USP49: variants seen among roughly 807,000 people sequenced by gnomAD.
USP49 encodes the protein ubiquitin specific peptidase 49, also known as ubiquitin carboxyl-terminal hydrolase 49.
In USP49, 24 loss-of-function variants were observed where a neutral mutation model predicts 58.6. That is an observed-to-expected ratio of 0.41 (90% confidence interval 0.30 to 0.58). The LOEUF (loss-of-function observed/expected upper bound fraction) is 0.58. USP49 is among the 20% of genes least tolerant of loss of function. The pLI is 0.30. For synonymous variants in USP49, 408 were observed against 365.1 expected (o/e 1.12, Z -1.34); for missense variants, 703 against 866.1 (o/e 0.81, Z 2.36).
chr6:41,833,259 G>A lies in USP49; in HGVS notation c.-28-26248C>T, dbSNP rs993136551. The stretch of plus-strand genomic sequence containing the variant: ...TCTCGATCTCCTGACCTCATGATCC[G>A]CCCGCCTCGGCCTCCCAAAATGCTG... On this transcript the variant is annotated intron_variant, in intron 3 of 7. Transcript: ENST00000682992. Among the ~76,000 whole-genome samples the A allele has an allele frequency of 5.3e-5, 8 of 151,158 alleles. No homozygotes were observed. The East Asian group carries it at 1.2e-3, about 22-fold the overall frequency.
At chr6:41,888,685 T>C (rs1005776760) in intron 2 of USP49, among the ~76,000 whole-genome samples, 2 of 152,012 alleles carry the variant, frequency 1.3e-5, no homozygotes, top group Non-Finnish European at 2.9e-5. Flanking sequence ...ACTCCTGACC[T>C]CAAGTGATCC....
At chr6:41,864,032 C>A (rs1013720923) in intron 3 of USP49, among the ~76,000 whole-genome samples, 1 of 151,038 alleles carries the variant, frequency 6.6e-6, no homozygotes, top group African/African-American at 2.4e-5. Context: ...GCCTCTCAAA[C>A]TGCTGGGATT....
At chr6:41,866,119 A>C (rs191731989) in intron 3 of USP49, among the ~76,000 whole-genome samples, 1 of 151,442 alleles carries the variant, frequency 6.6e-6, no homozygotes, top group Non-Finnish European at 1.5e-5. Flanking sequence ...ACAGGGTTTC[A>C]CCGTGTTAGC....
chr6:41,836,468 A>C (rs150130458), intron 3 of USP49, among the ~76,000 whole-genome samples: 191 of 152,270 alleles, frequency 1.3e-3, no homozygotes, highest in Admixed American at 2.9e-3. Flanking sequence ...GAACAAGATA[A>C]GAATGCTCAC....
intron 3 of USP49, among the ~76,000 whole-genome samples, chr6:41,847,153 T>A (rs773012188): frequency 7.2e-5 from 11 of 152,168 alleles, no homozygotes; most frequent in Non-Finnish European, 1.5e-4. Context: ...GCAATATGGC[T>A]GAATTAAAGG....
chr6:41,823,581 C>T (rs138364259), intron 3 of USP49, among the ~76,000 whole-genome samples: 169 of 152,240 alleles, frequency 1.1e-3, no homozygotes, highest in African/African-American at 3.8e-3. Flanking sequence ...ACAGCAGAGC[C>T]TCAGTCAGTC....
chr6:41,822,858 A>G (rs1460134413), intron 3 of USP49, among the ~76,000 whole-genome samples: 3 of 152,152 alleles, frequency 2.0e-5, no homozygotes, highest in Non-Finnish European at 2.9e-5. Context: ...TGGTTTCAAG[A>G]GAAAAGATGA....
chr6:41,890,431 G>A (rs1468493040), intron 2 of USP49, among the ~76,000 whole-genome samples: 1 of 151,132 alleles, frequency 6.6e-6, no homozygotes, highest in African/African-American at 2.4e-5. Flanking sequence ...AGTATTAGGA[G>A]GCCAGGCGCG....
chr6:41,797,150 C>T (rs1021617462), intron 7 of USP49, among the ~76,000 whole-genome samples: 1 of 151,988 alleles, frequency 6.6e-6, no homozygotes, highest in East Asian at 1.9e-4. Context: ...TTAGTAGAGA[C>T]GGGGCTTCAC....
At chr6:41,876,044 A>G (rs1029643028) in intron 2 of USP49, among the ~76,000 whole-genome samples, 5 of 152,128 alleles carry the variant, frequency 3.3e-5, no homozygotes, top group Non-Finnish European at 7.4e-5. Flanking sequence ...ATCTATTTCA[A>G]TCTATAAGCT....
intron 3 of USP49, among the ~76,000 whole-genome samples, chr6:41,823,036 A>T (rs1343620557): frequency 6.6e-6 from 1 of 152,224 alleles, no homozygotes; most frequent in Non-Finnish European, 1.5e-5. Flanking sequence ...AGTTATTTTT[A>T]AAAAACTAAA....
At chr6:41,864,549 T>C (rs1774278074) in intron 3 of USP49, among the ~76,000 whole-genome samples, 1 of 152,004 alleles carries the variant, frequency 6.6e-6, no homozygotes, top group African/African-American at 2.4e-5. Context: ...GGCGACAGAG[T>C]GAGACTCCGT....
chr6:41,870,914 C>T (rs1774402585), intron 3 of USP49, among the ~76,000 whole-genome samples: 1 of 151,550 alleles, frequency 6.6e-6, no homozygotes, highest in African/African-American at 2.4e-5. Flanking sequence ...AGCCAGGTGT[C>T]GTGGCGGGTG....
At chr6:41,873,459 C>G (rs182994560) in intron 2 of USP49, among the ~76,000 whole-genome samples, 8 of 152,266 alleles carry the variant, frequency 5.3e-5, no homozygotes, top group African/African-American at 1.9e-4. Flanking sequence ...AGCAAAAACA[C>G]AAATATTTTT....
intron 3 of USP49, among the ~76,000 whole-genome samples, chr6:41,841,991 A>G (rs995358695): frequency 2.0e-5 from 3 of 152,092 alleles, no homozygotes; most frequent in African/African-American, 7.2e-5. Context: ...TGGGAGGCAG[A>G]GGTTGCCATG....
chr6:41,895,244 C>G (rs1032226217), intron 1 of USP49, 80 bp downstream of exon 1: 2 of 151,334 alleles, frequency 1.3e-5, no homozygotes, highest in African/African-American at 4.8e-5. Context: ...CCCCGGCCCC[C>G]GTTCCCCCTA....
chr6:41,863,656 T>G (rs1040473772), intron 3 of USP49, among the ~76,000 whole-genome samples: 1 of 152,220 alleles, frequency 6.6e-6, no homozygotes, highest in African/African-American at 2.4e-5. Flanking sequence ...GTTGATGTGA[T>G]TATATAAAAT....
At chr6:41,802,448 A>ATTTTTTTTTTTTTTTTTTTTTTTTT (rs1363216201) in intron 5 of USP49, among the ~76,000 whole-genome samples, 1 of 53,334 alleles carries the variant, frequency 1.9e-5, no homozygotes, top group Non-Finnish European at 3.6e-5. Context: ...TTATTTATTT[A>ATTTTTTTTTTTTTTTTTTTTTTTTT]TTTATTTATT....
chr6:41,875,625 T>G (rs185057222), intron 2 of USP49, among the ~76,000 whole-genome samples: 4 of 152,306 alleles, frequency 2.6e-5, no homozygotes. Context: ...TATCCTTATT[T>G]TCCACTACCC....
Sources: allele counts gnomAD v4.1 joint callset (sites outside exome capture counted in the v4.1 genomes callset), GRCh38; gene constraint gnomAD v4.1.1; transcripts MANE v1.5; gene names NCBI Gene and HGNC (gene_info 2026-07-23, HGNC 2026-07-21).